Variants in MAPKAPK2 observed in about 807,000 individuals in gnomAD.
The protein encoded by MAPKAPK2 is MAP kinase-activated protein kinase 2.
A neutral mutation model predicts 48.8 loss-of-function variants in MAPKAPK2; 9 were observed. That is an observed-to-expected ratio of 0.18 (90% CI 0.11 to 0.32). The LOEUF is 0.32. Ranked by LOEUF, MAPKAPK2 falls within the 10% of genes least tolerant of loss-of-function variation. MAPKAPK2 has a pLI of 1.00. For missense variants in MAPKAPK2, 331 were observed against 498.3 expected (o/e 0.66, Z 3.20); for synonymous variants, 202 against 190.6 (o/e 1.06, Z -0.49).
intron 1 of MAPKAPK2, among the ~76,000 whole-genome samples, chr1:206,715,277 CT>C (rs1459192994): frequency 6.6e-6 from 1 of 152,206 alleles, no homozygotes; most frequent in Non-Finnish European, 1.5e-5. Context: ...CCTGGTTCTT[CT>C]TATGGCTTTG....
At chr1:206,691,239 TG>T (rs1448879545) in intron 1 of MAPKAPK2, among the ~76,000 whole-genome samples, 1 of 152,080 alleles carries the variant, frequency 6.6e-6, no homozygotes, top group Non-Finnish European at 1.5e-5. Flanking sequence ...GACCTGCTCT[TG>T]GTCTGGGCCC....
Position 206,731,903 on chromosome 1 carries a change from G to A in MAPKAPK2, c.1043G>A (p.Arg348Gln), listed in dbSNP as rs782749899. 78 of 1,614,070 alleles carry A rather than the reference G, an allele frequency of 4.8e-5. No homozygotes were observed. The South Asian group carries it at 6.3e-4, about 13-fold the overall frequency. The change falls in exon 9 of 10, where the codon CGG becomes CAG. Residue 348 changes from arginine to glutamine, a missense_variant. Coordinates refer to ENST00000367103, the MANE Select transcript of MAPKAPK2 (RefSeq NM_032960.4). This position sits in a 1 kb window ranked among gnomAD's most constrained non-coding sequence, Gnocchi z 5.9. The stretch of plus-strand genomic sequence containing the variant: ...CGGGTCCTGAAGGAGGACAAGGAGC[G>A]GTGGGAGGATGTCAAGGTGAGGGGC... Reference protein sequence around the residue: ...TSRVLKEDKERWEDVKEEMTS... With the variant: ...TSRVLKEDKEQWEDVKEEMTS...
intron 1 of MAPKAPK2, among the ~76,000 whole-genome samples, chr1:206,722,177 G>A (rs919563705): frequency 1.8e-4 from 28 of 151,888 alleles, no homozygotes; most frequent in Admixed American, 1.3e-3. Context: ...TGGCTAACAC[G>A]GTGAAACCCC....
intron 5 of MAPKAPK2, among the ~76,000 whole-genome samples, 185 bp downstream of exon 5, chr1:206,730,283 G>T (rs575837825): frequency 6.6e-6 from 1 of 152,328 alleles, no homozygotes; most frequent in Non-Finnish European, 1.5e-5. Flanking sequence ...TTGAGAAATT[G>T]TAGGAAAGGA....
intron 1 of MAPKAPK2, among the ~76,000 whole-genome samples, 193 bp downstream of exon 1, chr1:206,685,701 C>T (rs1553425493): frequency 5.3e-5 from 8 of 149,850 alleles, no homozygotes; most frequent in African/African-American, 1.7e-4. Context: ...GCCTCCCTGA[C>T]CGCTTCCGGC....
At chr1:206,713,266 T>G (rs1321781786) in intron 1 of MAPKAPK2, among the ~76,000 whole-genome samples, 1 of 152,118 alleles carries the variant, frequency 6.6e-6, no homozygotes, top group African/African-American at 2.4e-5. Context: ...CTGGAAGTGG[T>G]CAGAGAGGCT....
At position 206,729,438 on chromosome 1, in the gene MAPKAPK2, A is replaced by G. The variant is rs1553432321; in HGVS notation, c.527A>G (p.Tyr176Cys). Reference protein sequence around the residue: ...IMKSIGEAIQYLHSINIAHRD... With the variant: ...IMKSIGEAIQCLHSINIAHRD... ...AAGAGCATCGGTGAGGCCATCCAGT[A>G]TCTGCATTCAATCAACATTGCCCAT... is the stretch of plus-strand genomic sequence containing the variant. The change falls in exon 4 of 10, where the codon TAT (tyrosine) becomes TGT (cysteine). Residue 176 changes from tyrosine (Y) to cysteine (C), a missense_variant. Transcript: ENST00000367103. 13 of 1,614,194 alleles carry G rather than the reference A, an allele frequency of 8.1e-6. No individual in the cohort carries two copies. Among genetic ancestry groups the G allele is most frequent in the Non-Finnish European group, 1.1e-5 (13 of 1,180,018 alleles).
chr1:206,699,958 T>TTC lies in MAPKAPK2; in HGVS notation c.279+14464_279+14465dup, dbSNP rs59368306. Among the ~76,000 whole-genome samples the TTC allele has an allele frequency of 7.0e-4, 105 of 150,328 alleles. No individual in the cohort carries two copies. In the East Asian group the frequency reaches 8.5e-3, roughly 12 times the overall value. ...TCTTTTCTCCTTTCTTTTCGTTTCT[T>TTC]TCTCTCTCTCTCTCTTCTTTTTTTC... On this transcript the variant is annotated intron_variant, in intron 1 of 9. Coordinates refer to ENST00000367103, the MANE Select transcript of MAPKAPK2 (RefSeq NM_032960.4).
At position 206,685,523 on chromosome 1, in the gene MAPKAPK2, C is replaced by A. The variant is rs782526749; in HGVS notation, c.279+15C>A. ...TCGCCCTCAAAGTAGGTCTGGGGCC[C>A]GGGGAGGGGAGGCGGGGCCGGTCCC... is the stretch of plus-strand genomic sequence containing the variant. On this transcript the variant is annotated intron_variant, in intron 1 of 9. Coordinates refer to ENST00000367103, the MANE Select transcript of MAPKAPK2 (RefSeq NM_032960.4). 6.7e-7 allele frequency: 1 copy of A among 1,491,904 alleles called. No homozygotes were observed. The highest frequency in any genetic ancestry group is 9.0e-7 in the Non-Finnish European group (1 of 1,113,520). 92.4% of individuals were successfully genotyped at this position (1,491,904 alleles called of 1,614,324 possible).
chr1:206,697,414 G>T (rs1370155034), intron 1 of MAPKAPK2, among the ~76,000 whole-genome samples: 3 of 152,142 alleles, frequency 2.0e-5, no homozygotes, highest in Non-Finnish European at 4.4e-5. Context: ...TCACAGTTCT[G>T]CAGGCTGTAC....
chr1:206,728,475 G>C (rs1055552497), intron 1 of MAPKAPK2, among the ~76,000 whole-genome samples: 6 of 152,102 alleles, frequency 3.9e-5, no homozygotes, highest in Admixed American at 3.3e-4. Context: ...CGAATGGCCT[G>C]AGGGCTGATC....
At position 206,731,128 on chromosome 1, in the gene MAPKAPK2, G is replaced by C. The variant is rs1553432582; in HGVS notation, c.768-10G>C. 3 of 1,614,020 alleles carry C rather than the reference G, an allele frequency of 1.9e-6. No homozygotes were observed. The African/African-American group carries it at 4.0e-5, about 22-fold the overall frequency. On this transcript the variant is annotated splice_polypyrimidine_tract_variant and intron_variant, in intron 6 of 9. Coordinates refer to ENST00000367103, the MANE Select transcript of MAPKAPK2 (RefSeq NM_032960.4). This position sits in a 1 kb window ranked among gnomAD's most constrained non-coding sequence, Gnocchi z 5.9. ...TTCTGTCTCCCACTTCCTTCCTCCT[G>C]TTGATGCAGGCTGTGTGGGTATCCC...
intron 1 of MAPKAPK2, chr1:206,696,212 G>A (rs1193632250): frequency 1.9e-5 from 27 of 1,458,968 alleles, no homozygotes; most frequent in Non-Finnish European, 2.5e-5. Flanking sequence ...TCAGCCACCT[G>A]AGGTCTGAGG....
intron 1 of MAPKAPK2, among the ~76,000 whole-genome samples, chr1:206,718,179 G>A (rs1267449147): frequency 6.6e-6 from 1 of 152,170 alleles, no homozygotes; most frequent in Non-Finnish European, 1.5e-5. Flanking sequence ...TTTGCTTCTT[G>A]TCTTTATGAA....
intron 1 of MAPKAPK2, among the ~76,000 whole-genome samples, chr1:206,705,974 A>G (rs1361160144): frequency 1.3e-5 from 2 of 152,166 alleles, no homozygotes; most frequent in Non-Finnish European, 2.9e-5. Flanking sequence ...CTTCTGGTGC[A>G]GCTTCGCTGT....
At position 206,689,432 on chromosome 1, in the gene MAPKAPK2, A is replaced by G. The variant is rs561299615; in HGVS notation, c.279+3924A>G. Reference sequence around the variant, plus strand: ...ATACTGTGTACCTGTGGAGGGCAAGACAGTTAGTGTGGCTAGGTGAGAGGC... The same window carrying G: ...ATACTGTGTACCTGTGGAGGGCAAGGCAGTTAGTGTGGCTAGGTGAGAGGC... On this transcript the variant is annotated intron_variant, in intron 1 of 9. Transcript: ENST00000367103. Among the ~76,000 whole-genome samples, 10 of 152,310 alleles carry G rather than the reference A, an allele frequency of 6.6e-5. No homozygotes were observed. In the East Asian group the frequency reaches 1.7e-3, roughly 26 times the overall value.
At chr1:206,691,877 A>G (rs892868785) in intron 1 of MAPKAPK2, among the ~76,000 whole-genome samples, 1 of 152,168 alleles carries the variant, frequency 6.6e-6, no homozygotes, top group Admixed American at 6.5e-5. Flanking sequence ...CAGTTAATGA[A>G]TAATCATCAC....
Position 206,731,772 on chromosome 1 carries a change from A to G in MAPKAPK2, c.978+47A>G, listed in dbSNP as rs147613858. The G allele has an allele frequency of 4.2e-4, 678 of 1,611,416 alleles. 5 individuals carry two copies. In the African/African-American group the frequency reaches 8.1e-3, roughly 19 times the overall value. On this transcript the variant is annotated intron_variant, in intron 8 of 9. Transcript: ENST00000367103. The surrounding 1 kb of genome is among the most constrained non-coding windows in gnomAD (Gnocchi z 5.9). ...GCCTTGGGTCTCACGGGACTATTCC[A>G]CAGGACAGAGTCTTAGCCAGGACCC...
intron 1 of MAPKAPK2, among the ~76,000 whole-genome samples, chr1:206,718,760 T>G (rs1673422382): frequency 6.6e-6 from 1 of 152,012 alleles, no homozygotes; most frequent in Non-Finnish European, 1.5e-5. Context: ...TTATTACCAG[T>G]TTTTTTGCCA....
Sources: gnomAD v4.1 joint callset for allele counts (sites outside exome capture counted in the v4.1 genomes callset) on GRCh38, gnomAD v4.1.1 for gene constraint, Gnocchi (gnomAD v3.1) non-coding constraint, MANE v1.5 for transcripts, NCBI Gene and HGNC (gene_info 2026-07-23, HGNC 2026-07-21) for gene names.